Variants in NEMP2 observed in about 807,000 individuals in gnomAD.
NEMP2 encodes the protein UPF0571 transmembrane protein.
NEMP2 carries 53 observed loss-of-function variants against 54.2 expected under a neutral mutation model. That is an observed-to-expected ratio of 0.98 (90% CI 0.78 to 1.23). NEMP2 has a LOEUF of 1.23. Ranked by LOEUF, NEMP2 falls within the 50% of genes most tolerant of loss-of-function variation. The pLI, the probability that NEMP2 is intolerant of heterozygous loss-of-function variation, is 0.00. For missense variants in NEMP2, 455 were observed against 511.3 expected (o/e 0.89, Z 1.06); for synonymous variants, 197 against 190.3 (o/e 1.04, Z -0.29).
the NEMP2 span, among the ~76,000 whole-genome samples, chr2:190,552,063 G>C: frequency 5.3e-5 from 8 of 152,186 alleles, no homozygotes; most frequent in Admixed American, 1.3e-4. Flanking sequence ...GATTGCTTAA[G>C]CACTCTCAGT....
the NEMP2 span, among the ~76,000 whole-genome samples, chr2:190,472,219 A>G: frequency 1.3e-5 from 2 of 152,254 alleles, no homozygotes; most frequent in Admixed American, 1.3e-4. Context: ...CCTCACTAGC[A>G]ATGGAACAAA....
At chr2:190,489,384 G>A in the NEMP2 span, among the ~76,000 whole-genome samples, 29 of 152,288 alleles carry the variant, frequency 1.9e-4, 2 homozygotes, top group African/African-American at 6.7e-4. The surrounding 1 kb of genome is among the most constrained non-coding windows in gnomAD (Gnocchi z 6.6). Flanking sequence ...CAGGAAATGC[G>A]TGCATTTATA....
At chr2:190,560,423 C>T in the NEMP2 span, among the ~76,000 whole-genome samples, 11 of 152,284 alleles carry the variant, frequency 7.2e-5, no homozygotes, top group South Asian at 2.3e-3. The surrounding 1 kb of genome is among the most constrained non-coding windows in gnomAD (Gnocchi z 5.4). Context: ...GTGTTAAATA[C>T]AATTTCTATA....
At chr2:190,586,503 G>A in the NEMP2 span, among the ~76,000 whole-genome samples, 1 of 152,078 alleles carries the variant, frequency 6.6e-6, no homozygotes, top group South Asian at 2.1e-4. The surrounding 1 kb of genome is among the most constrained non-coding windows in gnomAD (Gnocchi z 4.5). Flanking sequence ...TAATGTGATT[G>A]TCTAACATTC....
chr2:190,490,716 G>GA, the NEMP2 span, among the ~76,000 whole-genome samples: 1 of 152,202 alleles, frequency 6.6e-6, no homozygotes, highest in South Asian at 2.1e-4. The surrounding 1 kb of genome is among the most constrained non-coding windows in gnomAD (Gnocchi z 4.5). Context: ...AACTTTTTAT[G>GA]AAAAAGGTCA....
chr2:190,606,689 GAC>G, the NEMP2 span, among the ~76,000 whole-genome samples: 2 of 152,102 alleles, frequency 1.3e-5, no homozygotes, highest in Non-Finnish European at 2.9e-5. Flanking sequence ...CCAGCCTGGC[GAC>G]ACAGTGAGAC....
the NEMP2 span, among the ~76,000 whole-genome samples, chr2:190,614,503 T>G: frequency 6.6e-6 from 1 of 152,156 alleles, no homozygotes; most frequent in Non-Finnish European, 1.5e-5. This position sits in a 1 kb window ranked among gnomAD's most constrained non-coding sequence, Gnocchi z 5.7. Context: ...CATACACACA[T>G]ACATAAAGAT....
chr2:190,647,252 AT>A, the NEMP2 span, among the ~76,000 whole-genome samples: 1 of 152,232 alleles, frequency 6.6e-6, no homozygotes, highest in African/African-American at 2.4e-5. Context: ...GAAGAAAAAG[AT>A]TTAACTTTAA....
At chr2:190,517,330 G>A (rs190372346) in intron 5 of NEMP2, among the ~76,000 whole-genome samples, 190 bp downstream of exon 5, 118 of 151,646 alleles carry the variant, frequency 7.8e-4, no homozygotes, top group African/African-American at 2.8e-3. Context: ...TTAATACTCA[G>A]CTAAGCCTAC....
the NEMP2 span, among the ~76,000 whole-genome samples, chr2:190,464,653 G>A: frequency 3.9e-5 from 6 of 152,166 alleles, no homozygotes; most frequent in Non-Finnish European, 7.4e-5. Flanking sequence ...TCTAACTCAG[G>A]TGGCCTCAAC....
the NEMP2 span, among the ~76,000 whole-genome samples, chr2:190,647,349 C>A: frequency 5.9e-5 from 9 of 152,142 alleles, no homozygotes; most frequent in Admixed American, 3.3e-4. Context: ...TTATTAAAGT[C>A]TTTTTCTTTC....
the NEMP2 span, among the ~76,000 whole-genome samples, chr2:190,576,433 A>G: frequency 1.2e-4 from 19 of 152,224 alleles, no homozygotes; most frequent in Non-Finnish European, 2.2e-4. Flanking sequence ...GGAAGAGAGT[A>G]CTTAAGCTAA....
the NEMP2 span, among the ~76,000 whole-genome samples, chr2:190,548,436 A>G: frequency 1.3e-5 from 2 of 152,222 alleles, no homozygotes; most frequent in African/African-American, 4.8e-5. Flanking sequence ...AGCCCACTTT[A>G]GGGCAAACAG....
chr2:190,426,834 ATCT>A, the NEMP2 span, among the ~76,000 whole-genome samples: 2 of 151,616 alleles, frequency 1.3e-5, no homozygotes, highest in African/African-American at 4.9e-5. This position sits in a 1 kb window ranked among gnomAD's most constrained non-coding sequence, Gnocchi z 4.7. Flanking sequence ...GAGACTGTGG[ATCT>A]TATTTAGACC....
upstream of NEMP2, among the ~76,000 whole-genome samples, chr2:190,538,814 GT>G (rs1178794049): frequency 4.6e-5 from 7 of 152,032 alleles, 1 homozygote; most frequent in African/African-American, 1.7e-4. The surrounding 1 kb of genome is among the most constrained non-coding windows in gnomAD (Gnocchi z 4.1). Context: ...ATTATTTGGG[GT>G]TTTTTGCTAT....
chr2:190,430,891 G>A, the NEMP2 span, among the ~76,000 whole-genome samples: 4 of 92,784 alleles, frequency 4.3e-5, no homozygotes, highest in African/African-American at 1.6e-4. Context: ...GGGCGGAGAC[G>A]CTCCTCACTT....
the NEMP2 span, among the ~76,000 whole-genome samples, chr2:190,605,526 C>G: frequency 0.16 from 24,680 of 151,984 alleles, 2,112 homozygotes; most frequent in East Asian, 0.28. Context: ...AGGCCCCCAC[C>G]ACCACACCCA....
the NEMP2 span, among the ~76,000 whole-genome samples, chr2:190,632,413 A>G: frequency 6.6e-6 from 1 of 152,258 alleles, no homozygotes; most frequent in Non-Finnish European, 1.5e-5. The surrounding 1 kb of genome is among the most constrained non-coding windows in gnomAD (Gnocchi z 4.8). Flanking sequence ...AGAAGCTTCT[A>G]ACTTAGCCAC....
chr2:190,505,535 A>G lies in NEMP2; in HGVS notation c.*3654T>C, dbSNP rs1295209248. On this transcript the variant is annotated 3_prime_UTR_variant, in exon 9 of 9. Transcript: ENST00000409150. This position sits in a 1 kb window ranked among gnomAD's most constrained non-coding sequence, Gnocchi z 5.8. ...ATGCCTCAAATTATTTAAATAATAGAGAAGCTACCCACTAACTGTATCTTC... is the reference window on the plus strand; with the variant it reads ...ATGCCTCAAATTATTTAAATAATAGGGAAGCTACCCACTAACTGTATCTTC... 6.6e-6 allele frequency: 1 copy of G among 152,248 alleles called. No homozygotes were observed. Among genetic ancestry groups the G allele is most frequent in the Non-Finnish European group, 1.5e-5 (1 of 68,046 alleles). The allele number at this position is 152,248 out of a possible 1,614,324, so 9.4% of individuals were successfully genotyped here. A position where few individuals can be genotyped will look rare whatever the true frequency, so the allele number is the denominator to read the frequency against.
Sources: allele counts gnomAD v4.1 joint callset (sites outside exome capture counted in the v4.1 genomes callset), GRCh38; gene constraint gnomAD v4.1.1; non-coding constraint Gnocchi (gnomAD v3.1); transcripts MANE v1.5; gene names NCBI Gene and HGNC (gene_info 2026-07-23, HGNC 2026-07-21).